Variants in FLT1 observed in about 807,000 individuals in gnomAD.
FLT1 encodes vascular endothelial growth factor receptor 1.
FLT1 carries 49 observed loss-of-function variants against 156.3 expected under a neutral mutation model. That is an observed-to-expected ratio of 0.31 (90% confidence interval 0.25 to 0.40). The LOEUF (loss-of-function observed/expected upper bound fraction) is 0.40. Ranked by LOEUF, FLT1 falls within the 10% of genes least tolerant of loss-of-function variation. The pLI is 1.00. For missense variants in FLT1, 1,322 were observed against 1,637.2 expected, an observed-to-expected ratio of 0.81 and a Z score of 3.32; for synonymous variants, 594 against 583.8, an observed-to-expected ratio of 1.02 and a Z score of -0.25.
At chr13:28,458,664 C>T (rs1288020004) in intron 3 of FLT1, among the ~76,000 whole-genome samples, 2 of 152,186 alleles carry the variant, frequency 1.3e-5, no homozygotes, top group Admixed American at 6.5e-5. Context: ...TATAGTCAAG[C>T]TCCCTTAGTG....
chr13:28,428,732 TC>T (rs1475450510), intron 8 of FLT1, among the ~76,000 whole-genome samples: 2 of 152,200 alleles, frequency 1.3e-5, no homozygotes, highest in Non-Finnish European at 2.9e-5. Flanking sequence ...AATGCATGGT[TC>T]TTTAAATAGG....
intron 23 of FLT1, among the ~76,000 whole-genome samples, chr13:28,320,631 C>G (rs996968171): frequency 2.0e-5 from 3 of 151,848 alleles, no homozygotes; most frequent in Admixed American, 6.6e-5. Flanking sequence ...TCCAATGTGG[C>G]CCAGGAAAGC....
intron 20 of FLT1, 145 bp from the exon 21 acceptor site, chr13:28,323,091 G>C (rs750851522): frequency 8.1e-6 from 7 of 859,840 alleles, no homozygotes; most frequent in African/African-American, 1.7e-5. Flanking sequence ...GGGGCCCTAC[G>C]GTGTCCAGGA....
Position 28,405,990 on chromosome 13 carries a change from C to T in FLT1, c.1437-96G>A. The T allele has an allele frequency of 1.1e-5, 8 of 721,428 alleles. No individual in the cohort carries two copies. The South Asian group carries it at 1.1e-4, about 10-fold the overall frequency. The allele number at this position is 721,428 out of a possible 1,614,324, so 44.7% of individuals were successfully genotyped here. ...AAACTTGGTGTAAGTCCTCAGATAACAAAGTCACAAATTTTATGTGTGATC... is the reference window on the plus strand; with the variant it reads ...AAACTTGGTGTAAGTCCTCAGATAATAAAGTCACAAATTTTATGTGTGATC... On this transcript the variant is annotated intron_variant, in intron 10 of 29. Coordinates refer to ENST00000282397, the MANE Select transcript of FLT1 (RefSeq NM_002019.4).
In FLT1 at chr13:28,333,936, T is replaced by A. The variant is rs892346786; in HGVS notation, c.2593+89A>T. 8 of 873,024 alleles carry A rather than the reference T, an allele frequency of 9.2e-6. No individual in the cohort carries two copies. In the African/African-American group the frequency reaches 1.2e-4, roughly 13 times the overall value. The allele number at this position is 873,024 out of a possible 1,614,324, so 54.1% of individuals were successfully genotyped here. On this transcript the variant is annotated intron_variant, in intron 18 of 29. Coordinates refer to ENST00000282397, the MANE Select transcript of FLT1 (RefSeq NM_002019.4). ...TGTCCAGAGCAGAAAAGCTTGTGTC[T>A]GTTCCCAGGCTATATCTAACTTGTA... is the stretch of plus-strand genomic sequence containing the variant.
chr13:28,319,310 G>A (rs1871341028), intron 24 of FLT1, 113 bp downstream of exon 24: 1 of 736,900 alleles, frequency 1.4e-6, no homozygotes, highest in African/African-American at 1.7e-5. Flanking sequence ...CACTTTAAGA[G>A]TTTTTTGTTA....
At chr13:28,328,918 C>T (rs926226623) in intron 19 of FLT1, among the ~76,000 whole-genome samples, 2 of 152,208 alleles carry the variant, frequency 1.3e-5, no homozygotes, top group Non-Finnish European at 2.9e-5. Context: ...GTCCCTCCGA[C>T]TGTTTCTGGC....
intron 14 of FLT1, among the ~76,000 whole-genome samples, chr13:28,358,888 T>C (rs1032886736): frequency 6.6e-6 from 1 of 152,070 alleles, no homozygotes; most frequent in Non-Finnish European, 1.5e-5. Flanking sequence ...GAAGGCTGCA[T>C]AGAAGAGGTG....
At chr13:28,344,792 CTTTTTTTTTTTTTT>C (rs869199622) in intron 16 of FLT1, among the ~76,000 whole-genome samples, 58 of 41,414 alleles carry the variant, frequency 1.4e-3, no homozygotes, top group East Asian at 4.1e-3. Flanking sequence ...GGGGCCTTTA[CTTTTTTTTTTTTTT>C]TTTTTTTTTT....
chr13:28,446,462 G>T (rs562144683), intron 3 of FLT1, among the ~76,000 whole-genome samples: 104 of 152,318 alleles, frequency 6.8e-4, no homozygotes, highest in African/African-American at 2.4e-3. Flanking sequence ...CAGCAAGATT[G>T]CAGGATACAA....
At chr13:28,494,699 C>A in intron 1 of FLT1, 81 bp downstream of exon 1, 1 of 1,150,548 alleles carries the variant, frequency 8.7e-7, no homozygotes, top group Non-Finnish European at 1.2e-6. Flanking sequence ...CCGCGTGCAC[C>A]CCGCCCTGGC....
intron 12 of FLT1, among the ~76,000 whole-genome samples, chr13:28,393,212 A>T (rs1874842005): frequency 6.6e-6 from 1 of 152,214 alleles, no homozygotes; most frequent in Non-Finnish European, 1.5e-5. Flanking sequence ...CTTGCTCAGA[A>T]GAGGCATTCA....
At chr13:28,340,174 C>A (rs576760146) in intron 16 of FLT1, among the ~76,000 whole-genome samples, 3 of 151,340 alleles carry the variant, frequency 2.0e-5, no homozygotes, top group African/African-American at 7.3e-5. Context: ...AAGATGGCAC[C>A]ACTGCACTCC....
rs143690026 is a variant in FLT1 at position 28,382,413 on chromosome 13, G to T, written c.2116+2472C>A. ...GTCAGGCGACTCTGAGCATAACGTCGTAGGAGTAGGCAGGGGCTAGATATT... is the reference window on the plus strand; with the variant it reads ...GTCAGGCGACTCTGAGCATAACGTCTTAGGAGTAGGCAGGGGCTAGATATT... On this transcript the variant is annotated intron_variant, in intron 14 of 29. Coordinates refer to ENST00000282397, the MANE Select transcript of FLT1 (RefSeq NM_002019.4). 5.9e-5 allele frequency among the ~76,000 whole-genome samples: 9 copies of T among 152,226 alleles called. No homozygotes were observed. The South Asian group carries it at 1.9e-3, about 32-fold the overall frequency.
chr13:28,489,313 G>T (rs1881348226), intron 1 of FLT1, among the ~76,000 whole-genome samples: 1 of 152,120 alleles, frequency 6.6e-6, no homozygotes, highest in African/African-American at 2.4e-5. Context: ...ATGATAGTGT[G>T]GCCACATATT....
chr13:28,356,893 A>C (rs990857148), intron 15 of FLT1, among the ~76,000 whole-genome samples: 2 of 152,246 alleles, frequency 1.3e-5, no homozygotes, highest in Non-Finnish European at 2.9e-5. Context: ...ACTGAGGTCG[A>C]AACTGTTTTC....
At chr13:28,345,948 T>A (rs1872549893) in intron 15 of FLT1, 1 of 158,546 alleles carries the variant, frequency 6.3e-6, no homozygotes, top group African/African-American at 2.4e-5. Flanking sequence ...CTAATGAGTT[T>A]TAGAGGAAAT....
intron 17 of FLT1, 105 bp from the exon 18 acceptor site, chr13:28,334,234 G>A: frequency 1.2e-6 from 1 of 809,116 alleles, no homozygotes; most frequent in Non-Finnish European, 2.2e-6. Context: ...GTGAGGCATG[G>A]AATCTCCAGT....
At chr13:28,381,683 G>A (rs746084898) in intron 14 of FLT1, among the ~76,000 whole-genome samples, 8 of 152,162 alleles carry the variant, frequency 5.3e-5, no homozygotes, top group African/African-American at 1.9e-4. Flanking sequence ...CAAGGGACTA[G>A]CTTTCCACAA....
Sources: gnomAD v4.1 joint callset for allele counts (sites outside exome capture counted in the v4.1 genomes callset) on GRCh38, gnomAD v4.1.1 for gene constraint, MANE v1.5 for transcripts, NCBI Gene and HGNC (gene_info 2026-07-23, HGNC 2026-07-21) for gene names.